ACTN3: variants seen among roughly 807,000 people sequenced by gnomAD.
The protein encoded by ACTN3 is actinin alpha 3, also known as alpha-actinin-3.
ACTN3 carries 91 observed loss-of-function variants against 119.6 expected under a neutral mutation model. The ratio of observed to expected loss-of-function variants is 0.76; its 90% CI spans 0.64 to 0.91. The LOEUF (loss-of-function observed/expected upper bound fraction) is 0.91, where lower values mean the gene tolerates loss of function less well. Among genes scored for constraint, ACTN3 ranks in the 40% least tolerant of loss-of-function variants. The pLI is 0.00. For missense variants in ACTN3, 1,221 were observed against 1,215.1 expected (o/e 1.00, Z -0.07); for synonymous variants, 456 against 478.8 (o/e 0.95, Z 0.62).
intron 1 of ACTN3, among the ~76,000 whole-genome samples, chr11:66,547,902 C>T (rs1339242556): frequency 1.3e-5 from 2 of 152,102 alleles, no homozygotes; most frequent in African/African-American, 4.8e-5. Context: ...CCTCCCTGAG[C>T]TATTTTCACT....
chr11:66,554,250 C>A (rs1481984857), intron 4 of ACTN3, 119 bp downstream of exon 4: 4 of 650,224 alleles, frequency 6.2e-6, no homozygotes, highest in Non-Finnish European at 1.0e-5. Context: ...TCAAGACCAG[C>A]CTGGACAACA....
In ACTN3 at chr11:66,560,000, AT is replaced by A; in HGVS notation, c.1461del (p.Asn487LysfsTer17). ...GACTACCACGAGGCAGCCTCAGTGA[AT>A]AGCCGCTGCCAGGCCATCTGCGATC... is the stretch of plus-strand genomic sequence containing the variant. The part of the protein sequence containing the change: ...ELDYHEAASV[N>X]SRCQAICDQW... On this transcript the variant is annotated frameshift_variant, in exon 13 of 21. Transcript: ENST00000513398. LOFTEE classifies it high-confidence loss of function. 1 of 1,603,062 alleles carries A rather than the reference AT, an allele frequency of 6.2e-7. No homozygotes were observed. The highest frequency in any genetic ancestry group is 8.5e-7 in the Non-Finnish European group (1 of 1,176,434).
intron 11 of ACTN3, among the ~76,000 whole-genome samples, chr11:66,558,521 C>G (rs1380102779): frequency 1.3e-5 from 2 of 152,202 alleles, no homozygotes; most frequent in African/African-American, 4.8e-5. Context: ...GCGTGCACCA[C>G]CACGCCCAGT....
Position 66,551,603 on chromosome 11 carries a change from T to A in ACTN3, c.338T>A (p.Phe113Tyr). 6.2e-7 allele frequency: 1 copy of A among 1,614,046 alleles called. No homozygotes were observed. Among genetic ancestry groups the A allele is most frequent in the Non-Finnish European group, 8.5e-7 (1 of 1,180,042 alleles). ...GCCAACGTTAACAAGGCCCTGGACT[T>A]CATTGCCAGCAAGGGGGTTAAACTG... ...KIANVNKALD[F>Y]IASKGVKLVS... The change falls in exon 3 of 21, where the codon TTC (phenylalanine) becomes TAC (tyrosine). Residue 113 changes from phenylalanine (F) to tyrosine (Y), a missense_variant. Phe to Tyr is a conservative substitution (Grantham distance 22, BLOSUM62 3). Around this residue, in one of 3 missense-constraint regions of ACTN3, gnomAD observed 239 missense variants for 231.8 expected, o/e 1.03. Transcript: ENST00000513398.
At chr11:66,556,317 C>T (rs1482821080) in intron 8 of ACTN3, 87 bp downstream of exon 8, 13 of 1,348,128 alleles carry the variant, frequency 9.6e-6, no homozygotes, top group Middle Eastern at 1.8e-4. Flanking sequence ...CGCCAGACCA[C>T]GGAGGTTGGA....
intron 1 of ACTN3, among the ~76,000 whole-genome samples, chr11:66,547,758 G>A (rs1272084844): frequency 6.6e-6 from 1 of 152,026 alleles, no homozygotes; most frequent in African/African-American, 2.4e-5. Context: ...GGGAGACCTG[G>A]GTCCCCTTAC....
chr11:66,551,726 A>G, intron 3 of ACTN3, 79 bp downstream of exon 3: 1 of 1,573,954 alleles, frequency 6.4e-7, no homozygotes, highest in South Asian at 1.1e-5. Flanking sequence ...TGTGAGCCTC[A>G]GTTTCCTCAT....
chr11:66,553,245 C>A (rs771067605), intron 3 of ACTN3, among the ~76,000 whole-genome samples: 5 of 151,466 alleles, frequency 3.3e-5, no homozygotes, highest in Non-Finnish European at 5.9e-5. Flanking sequence ...CAGAGCAAGA[C>A]TCTGTCACCC....
intron 3 of ACTN3, among the ~76,000 whole-genome samples, chr11:66,552,726 G>A (rs1352211756): frequency 6.6e-6 from 1 of 151,758 alleles, no homozygotes; most frequent in African/African-American, 2.4e-5. Flanking sequence ...GCATGGTGGC[G>A]CACGCCTGTA....
Position 66,563,046 on chromosome 11 carries a change from C to T in ACTN3, c.2559C>T (p.Thr853=). ...KILAGDKNYI[T]PEELRRELPA... is the part of the protein sequence containing the mutation. ...CCTCTTCTCCCCAGAACTACATCAC[C>T]CCCGAGGAGCTGCGGCGCGAGCTCC... The change falls in exon 21 of 21, where the codon ACC becomes ACT. Residue 853 remains threonine (T), a synonymous_variant. Transcript: ENST00000513398. 1.2e-6 allele frequency: 2 copies of T among 1,611,834 alleles called. No homozygotes were observed. Among genetic ancestry groups the T allele is most frequent in the South Asian group, 1.1e-5 (1 of 90,886 alleles).
At chr11:66,550,905 C>T (rs1857454747) in intron 1 of ACTN3, 1 of 402,304 alleles carries the variant, frequency 2.5e-6, no homozygotes. Flanking sequence ...GGTTCAAAAC[C>T]TCAGAGGGCC....
intron 19 of ACTN3, 93 bp from the exon 20 acceptor site, chr11:66,562,703 C>A: frequency 1.4e-6 from 2 of 1,397,010 alleles, no homozygotes; most frequent in Non-Finnish European, 1.9e-6. Context: ...TGGGGCTCTG[C>A]TAGCTGAGGT....
chr11:66,548,355 A>G (rs1233438334), intron 1 of ACTN3, among the ~76,000 whole-genome samples: 1 of 151,432 alleles, frequency 6.6e-6, no homozygotes, highest in East Asian at 1.9e-4. Flanking sequence ...AACATCTCCT[A>G]TCCCTACCCC....
rs750301992 is a variant in ACTN3 at position 66,554,522 on chromosome 11, TC to T, written c.470-8del. ...CCCCTTCCCAATGAATCCTCCCACC[TC>T]CCCCCGACCCAGAAACCTCAGCCAA... On this transcript the variant is annotated splice_polypyrimidine_tract_variant and intron_variant, in intron 4 of 20. Coordinates refer to ENST00000513398, the MANE Select transcript of ACTN3 (RefSeq NM_001104.4). 7.2e-6 allele frequency: 11 copies of T among 1,518,524 alleles called. No homozygotes were observed. In the East Asian group the frequency reaches 1.7e-4, roughly 23 times the overall value. 94.1% of individuals were successfully genotyped at this position (1,518,524 alleles called of 1,614,324 possible).
At chr11:66,552,813 C>T (rs1205948540) in intron 3 of ACTN3, among the ~76,000 whole-genome samples, 2 of 149,644 alleles carry the variant, frequency 1.3e-5, no homozygotes, top group Non-Finnish European at 3.0e-5. Context: ...ACCAAGATTG[C>T]ACCATTGCAC....
At chr11:66,552,105 C>T (rs1565304012) in intron 3 of ACTN3, among the ~76,000 whole-genome samples, 1 of 151,014 alleles carries the variant, frequency 6.6e-6, no homozygotes. Flanking sequence ...GCCGGCCAGG[C>T]CTGGTGGCTC....
rs1413744043 is a variant in ACTN3 at position 66,554,027 on chromosome 11, C to G, written c.383-18C>G. The G allele has an allele frequency of 1.2e-6, 2 of 1,612,230 alleles. No homozygotes were observed. Among genetic ancestry groups the G allele is most frequent in the African/African-American group, 2.7e-5 (2 of 74,846 alleles). On this transcript the variant is annotated intron_variant, in intron 3 of 20. Coordinates refer to ENST00000513398, the MANE Select transcript of ACTN3 (RefSeq NM_001104.4). ...CTTGAATGCCAGGCAAATCTGTCCC[C>G]TGACCCCTGCCCTGCAGAGATTGTT...
intron 7 of ACTN3, among the ~76,000 whole-genome samples, chr11:66,555,913 A>C (rs1250746537): frequency 6.6e-6 from 1 of 151,896 alleles, no homozygotes; most frequent in Non-Finnish European, 1.5e-5. Context: ...GCCCACTCAC[A>C]CTCACCCACC....
At position 66,554,090 on chromosome 11, in the gene ACTN3, CCAT is replaced by C. The variant is rs761864041; in HGVS notation, c.433_435del (p.Ile145del). 4.3e-6 allele frequency: 7 copies of C among 1,613,756 alleles called. No individual in the cohort carries two copies. The South Asian group carries it at 7.7e-5, about 18-fold the overall frequency. ...AAGATGACCCTGGGCATGATCTGGA[CCAT>C]CATCCTTCGCTTCGCCATCCAGGAC... On this transcript the variant is annotated inframe_deletion, in exon 4 of 21. Coordinates refer to ENST00000513398, the MANE Select transcript of ACTN3 (RefSeq NM_001104.4).
Sources: gnomAD v4.1 joint callset for allele counts (sites outside exome capture counted in the v4.1 genomes callset) on GRCh38, gnomAD v4.1.1 for gene constraint, gnomAD v4.1.1 regional missense constraint, MANE v1.5 for transcripts, NCBI Gene and HGNC (gene_info 2026-07-23, HGNC 2026-07-21) for gene names.